ATN1: variants seen among roughly 807,000 people sequenced by gnomAD.
The protein encoded by ATN1 is atrophin-1.
ATN1 carries 19 observed loss-of-function variants against 85.8 expected under a neutral mutation model. The ratio of observed to expected loss-of-function variants is 0.22; its 90% CI spans 0.15 to 0.32. ATN1 has a LOEUF of 0.32. ATN1 is among the 10% of genes least tolerant of loss of function. ATN1 has a pLI of 1.00. For missense variants in ATN1, 1,453 were observed against 1,564.5 expected (o/e 0.93, Z 1.20); for synonymous variants, 674 against 657.0 (o/e 1.03, Z -0.39).
chr12:6,931,981 G>C (rs1945471956), intron 1 of ATN1, among the ~76,000 whole-genome samples: 1 of 139,776 alleles, frequency 7.2e-6, no homozygotes, highest in Non-Finnish European at 1.5e-5. Flanking sequence ...GTTGCAGTGA[G>C]TGAGATCACG....
chr12:6,936,523 C>T lies in ATN1; in HGVS notation c.1256C>T (p.Ser419Phe). ...TCTTTCCCTCCCCCAACAAGCCTCTCTGTCTCCAATCAGCCCCCCAAGTAT... is the reference window on the plus strand; with the variant it reads ...TCTTTCCCTCCCCCAACAAGCCTCTTTGTCTCCAATCAGCCCCCCAAGTAT... ...PHSFPPPTSL[S>F]VSNQPPKYTQ... Residue 419 changes from serine to phenylalanine, a missense_variant, in exon 5 of 10, where the codon TCT becomes TTT. Physicochemically the swap from Ser to Phe is radical, Grantham distance 155 (BLOSUM62 -2). This residue lies in a region of ATN1 where 990 missense variants were observed against 914.8 expected (regional missense o/e 1.08). Coordinates refer to ENST00000396684, the MANE Select transcript of ATN1 (RefSeq NM_001940.4). 6.2e-7 allele frequency: 1 copy of T among 1,606,832 alleles called. No individual in the cohort carries two copies.
At chr12:6,925,142 G>GT (rs66873149), upstream of ATN1, among the ~76,000 whole-genome samples, 3 of 122,152 alleles carry the variant, frequency 2.5e-5, no homozygotes, top group African/African-American at 1.4e-4. Flanking sequence ...GTGTGTGTGT[G>GT]AGAGAGAGAG....
chr12:6,929,719 T>C (rs1478082669), intron 1 of ATN1, among the ~76,000 whole-genome samples: 3 of 152,222 alleles, frequency 2.0e-5, no homozygotes, highest in Non-Finnish European at 4.4e-5. Context: ...TTGCAGATCA[T>C]AGGTGTTTCT....
chr12:6,927,341 T>A (rs1945408214), upstream of ATN1, among the ~76,000 whole-genome samples: 1 of 150,828 alleles, frequency 6.6e-6, no homozygotes, highest in Non-Finnish European at 1.5e-5. Context: ...ACCCCAAGCT[T>A]CTCTCACTTC....
intron 1 of ATN1, 133 bp downstream of exon 1, chr12:6,928,517 A>G (rs2138200250): frequency 6.6e-6 from 1 of 150,650 alleles, no homozygotes; most frequent in East Asian, 2.0e-4. Context: ...TATTTTCCCA[A>G]TCCCGTCCCC....
At position 6,940,938 on chromosome 12, in the gene ATN1, G is replaced by A. The variant is rs782810714; in HGVS notation, c.3273G>A (p.Arg1091=). The A allele has an allele frequency of 6.2e-7, 1 of 1,614,132 alleles. No homozygotes were observed. Among genetic ancestry groups the A allele is most frequent in the South Asian group, 1.1e-5 (1 of 91,080 alleles). Residue 1091 remains arginine (R), a synonymous_variant, in exon 8 of 10, where the codon CGG becomes CGA. Transcript: ENST00000396684. ...TGGCCTCAGGGTCTCACCTTACCCG[G>A]ATCCCCTACCCAGCTGGAACTCTCC... ...DPLASGSHLT[R]IPYPAGTLPN... is the part of the protein sequence containing the mutation.
Position 6,934,542 on chromosome 12 carries a change from TGAG to T in ATN1, c.247_249del (p.Glu83del). 6.4e-7 allele frequency: 1 copy of T among 1,573,726 alleles called. No individual in the cohort carries two copies. The highest frequency in any genetic ancestry group is 8.6e-7 in the Non-Finnish European group (1 of 1,158,886). Reference sequence around the variant, plus strand: ...GTGAGGAGATCTCAGAGAGTGAAAGTGAGGAGACCAATGCACCAAAAAAGACCA... The same window carrying T: ...GTGAGGAGATCTCAGAGAGTGAAAGTGAGACCAATGCACCAAAAAAGACCA... On this transcript the variant is annotated inframe_deletion, in exon 4 of 10. Coordinates refer to ENST00000396684, the MANE Select transcript of ATN1 (RefSeq NM_001940.4). This position sits in a 1 kb window ranked among gnomAD's most constrained non-coding sequence, Gnocchi z 4.5.
rs147637415 is a variant in ATN1, at chr12:6,934,028, G to A, written c.27G>A (p.Ser9=). The change falls in exon 2 of 10, where the codon TCG becomes TCA. Residue 9 remains serine, a splice_region_variant and synonymous_variant. Coordinates refer to ENST00000396684, the MANE Select transcript of ATN1 (RefSeq NM_001940.4). This position sits in a 1 kb window ranked among gnomAD's most constrained non-coding sequence, Gnocchi z 4.5. The stretch of plus-strand genomic sequence containing the variant: ...TGAAGACACGACAGAATAAAGACTC[G>A]GTGAGTTAAAATGAGAGACATGAAA... The part of the protein sequence containing the change: MKTRQNKD[S]MSMRSGRKKE... 4.2e-5 allele frequency: 68 copies of A among 1,609,306 alleles called. 1 individual carries two copies. The African/African-American group carries it at 6.1e-4, about 15-fold the overall frequency.
In ATN1 at chr12:6,939,056, G is replaced by T; in HGVS notation, c.3093G>T (p.Val1031=). Residue 1031 remains valine (V), a synonymous_variant, in exon 7 of 10, where the codon GTG becomes GTT. Coordinates refer to ENST00000396684, the MANE Select transcript of ATN1 (RefSeq NM_001940.4). The stretch of plus-strand genomic sequence containing the variant: ...CTGAGAGGCAGCACGCAGAAAGGGT[G>T]GCGGCCCTGGGCAATGACCCACTGG... ...LAAERQHAER[V]AALGNDPLAR... 1 of 1,605,548 alleles carries T rather than the reference G, an allele frequency of 6.2e-7. No individual in the cohort carries two copies. The highest frequency in any genetic ancestry group is 8.5e-7 in the Non-Finnish European group (1 of 1,179,964).
intron 7 of ATN1, among the ~76,000 whole-genome samples, chr12:6,940,110 C>T (rs1156367666): frequency 2.0e-5 from 3 of 151,628 alleles, no homozygotes; most frequent in Admixed American, 1.3e-4. Flanking sequence ...GCAGGCACTG[C>T]CTGCCCGAGT....
Position 6,933,910 on chromosome 12 carries a change from G to T in ATN1, c.-92G>T. ...GGAAACTTGGAGATCCTGCTTCCCA[G>T]ACCACAGCTGTGGGGAACTTGGGGT... On this transcript the variant is annotated 5_prime_UTR_variant, in exon 2 of 10. Transcript: ENST00000396684. 6.7e-7 allele frequency: 1 copy of T among 1,503,334 alleles called. No homozygotes were observed. Among genetic ancestry groups the T allele is most frequent in the South Asian group, 1.2e-5 (1 of 83,202 alleles). 93.1% of individuals were successfully genotyped at this position (1,503,334 alleles called of 1,614,324 possible).
chr12:6,925,113 TGTGC>T (rs1372182848), upstream of ATN1, among the ~76,000 whole-genome samples: 1 of 130,160 alleles, frequency 7.7e-6, no homozygotes, highest in South Asian at 2.6e-4. Flanking sequence ...TGTGTGTGCG[TGTGC>T]GTGTGTGTGT....
chr12:6,940,391 G>A (rs1371891648), intron 7 of ATN1, among the ~76,000 whole-genome samples: 6 of 151,944 alleles, frequency 3.9e-5, no homozygotes, highest in African/African-American at 1.2e-4. Flanking sequence ...TCAGCCTCCC[G>A]AGGAGCTGGG....
At chr12:6,928,466 C>G (rs1413108537) in intron 1 of ATN1, 82 bp downstream of exon 1, 1 of 152,044 alleles carries the variant, frequency 6.6e-6, no homozygotes, top group Admixed American at 6.5e-5. Context: ...CCACCCCCAC[C>G]CCTCCCAGTT....
rs148885085 is a variant in ATN1 at position 6,936,752 on chromosome 12, G to A, written c.1485G>A (p.Gln495=). The A allele has an allele frequency of 1.3e-6, 2 of 1,511,802 alleles. No homozygotes were observed. The highest frequency in any genetic ancestry group is 2.3e-5 in the East Asian group (1 of 42,692). The allele number at this position is 1,511,802 out of a possible 1,614,324, so 93.6% of individuals were successfully genotyped here. Residue 495 remains glutamine (Q), a synonymous_variant, in exon 5 of 10, where the codon CAG becomes CAA. Coordinates refer to ENST00000396684, the MANE Select transcript of ATN1 (RefSeq NM_001940.4). The part of the protein sequence containing the change: ...QQQQQQQQQQ[Q]QQQQQQQHHG... Reference sequence around the variant, plus strand: ...AACAGCAGCAGCAGCAGCAGCAGCAGCAGCAGCAGCAGCAGCAGCAGCATC... The same window carrying A: ...AACAGCAGCAGCAGCAGCAGCAGCAACAGCAGCAGCAGCAGCAGCAGCATC...
intron 1 of ATN1, among the ~76,000 whole-genome samples, chr12:6,932,883 G>GA (rs1555143176): frequency 1.3e-4 from 20 of 152,232 alleles, no homozygotes; most frequent in Non-Finnish European, 1.5e-5. Context: ...TCTGATGTGA[G>GA]AAAAGATTCT....
In ATN1 at chr12:6,941,381, T is replaced by G; in HGVS notation, c.3366T>G (p.Pro1122=). 1 of 1,601,214 alleles carries G rather than the reference T, an allele frequency of 6.2e-7. No homozygotes were observed. Among genetic ancestry groups the G allele is most frequent in the Non-Finnish European group, 8.5e-7 (1 of 1,172,964 alleles). ...EVLRHQLFAA[P]YRDLPASLSA... is the part of the protein sequence containing the mutation. ...TGCCCTTCCTGCTCACAGCTGCCCC[T>G]TACCGGGACCTGCCGGCCTCCCTTT... Residue 1122 remains proline, a synonymous_variant, in exon 9 of 10, where the codon CCT becomes CCG. Transcript: ENST00000396684. This position sits in a 1 kb window ranked among gnomAD's most constrained non-coding sequence, Gnocchi z 5.9.
chr12:6,928,930 C>T (rs1321114802), intron 1 of ATN1, among the ~76,000 whole-genome samples: 2 of 152,222 alleles, frequency 1.3e-5, no homozygotes, highest in African/African-American at 4.8e-5. Flanking sequence ...GGGATTGTGG[C>T]TGATGAACCT....
chr12:6,936,398 C>T lies in ATN1; in HGVS notation c.1131C>T (p.Ser377=). The part of the protein sequence containing the change: ...PAPPMRFPYS[S]SSSSSAAASS... ...CCCCCATGAGGTTTCCTTATTCATC[C>T]TCTAGTAGTAGCTCTGCAGCAGCCT... is the stretch of plus-strand genomic sequence containing the variant. Residue 377 remains serine (S), a synonymous_variant, in exon 5 of 10, where the codon TCC becomes TCT. Transcript: ENST00000396684. 1 of 1,613,744 alleles carries T rather than the reference C, an allele frequency of 6.2e-7. No individual in the cohort carries two copies.
Sources: allele counts gnomAD v4.1 joint callset (sites outside exome capture counted in the v4.1 genomes callset), GRCh38; gene constraint gnomAD v4.1.1; regional missense constraint gnomAD v4.1.1; non-coding constraint Gnocchi (gnomAD v3.1); transcripts MANE v1.5; gene names NCBI Gene and HGNC (gene_info 2026-07-23, HGNC 2026-07-21).